Variants in MARCHF6 observed in about 807,000 individuals in gnomAD.
The protein encoded by MARCHF6 is membrane associated ring-CH-type finger 6.
MARCHF6 carries 31 observed loss-of-function variants against 133.7 expected under a neutral mutation model. That is an observed-to-expected ratio of 0.23 (90% CI 0.17 to 0.31). The LOEUF (loss-of-function observed/expected upper bound fraction) is 0.31. MARCHF6 is among the 10% of genes least tolerant of loss of function. The probability of loss-of-function intolerance (pLI) is 1.00; values close to 1 mark genes in which losing one functional copy is unlikely to be tolerated. For missense variants in MARCHF6, 723 were observed against 1,121.6 expected (o/e 0.64, Z 5.08); for synonymous variants, 395 against 402.5 (o/e 0.98, Z 0.22).
At position 10,402,575 on chromosome 5, in the gene MARCHF6, A is replaced by G. The variant is rs1271055070; in HGVS notation, c.1165A>G (p.Ile389Val). The G allele has an allele frequency of 7.4e-6, 12 of 1,613,858 alleles. No individual in the cohort carries two copies. The highest frequency in any genetic ancestry group is 1.0e-5 in the Non-Finnish European group (12 of 1,179,872). Residue 389 changes from isoleucine (I) to valine (V), a missense_variant, in exon 14 of 26, where the codon ATT becomes GTT. Coordinates refer to ENST00000274140, the MANE Select transcript of MARCHF6 (RefSeq NM_005885.4). ...GGTAGAAATTGGAGTATTCCCTCTC[A>G]TTTGTGGTTGGTGGCTGGATATCTG... ...VVVEIGVFPLICGWWLDICSL... is the reference protein window; with the variant it reads ...VVVEIGVFPLVCGWWLDICSL...
Position 10,402,589 on chromosome 5 carries a change from G to A in MARCHF6, c.1179G>A (p.Trp393Ter). The A allele has an allele frequency of 6.2e-7, 1 of 1,613,560 alleles. No homozygotes were observed. Among genetic ancestry groups the A allele is most frequent in the South Asian group, 1.1e-5 (1 of 91,072 alleles). Residue 393 changes from tryptophan to a stop codon, truncating the protein, a stop_gained, in exon 14 of 26, where the codon TGG becomes TGA. Transcript: ENST00000274140. LOFTEE classifies it high-confidence loss of function. ...TATTCCCTCTCATTTGTGGTTGGTG[G>A]CTGGATATCTGTTCCTTGGTAAGTT... is the stretch of plus-strand genomic sequence containing the variant. ...IGVFPLICGW[W>*]LDICSLEMFD... is the part of the protein sequence containing the mutation.
rs541091003 is a variant in MARCHF6 at position 10,410,061 on chromosome 5, A to G, written c.1554-78A>G. 65 of 1,414,632 alleles carry G rather than the reference A, an allele frequency of 4.6e-5. No homozygotes were observed. In the East Asian group the frequency reaches 1.3e-3, roughly 28 times the overall value. The allele number at this position is 1,414,632 out of a possible 1,614,324, so 87.6% of individuals were successfully genotyped here. A position where few individuals can be genotyped will look rare whatever the true frequency, so the allele number is the denominator to read the frequency against. On this transcript the variant is annotated intron_variant, in intron 17 of 25. Transcript: ENST00000274140. The stretch of plus-strand genomic sequence containing the variant: ...AAGACAGTAAGTTTATTAGATTCTT[A>G]AGAAGTTGCGTTGTAATCCCATTAA...
At chr5:10,379,511 A>T (rs967669417) in intron 3 of MARCHF6, among the ~76,000 whole-genome samples, 8 of 151,370 alleles carry the variant, frequency 5.3e-5, no homozygotes, top group Non-Finnish European at 1.5e-5. Flanking sequence ...CCCAGGCTGG[A>T]GGGCAATGGC....
intron 4 of MARCHF6, among the ~76,000 whole-genome samples, chr5:10,383,707 A>G (rs1428935244): frequency 5.9e-5 from 9 of 152,194 alleles, no homozygotes; most frequent in Admixed American, 3.3e-4. Context: ...ACTTTACTAA[A>G]TGAGCAAGGA....
chr5:10,419,160 A>G (rs2126308701), intron 22 of MARCHF6, among the ~76,000 whole-genome samples: 1 of 152,324 alleles, frequency 6.6e-6, no homozygotes, highest in Non-Finnish European at 1.5e-5. Flanking sequence ...ATGACTTTTT[A>G]ACTTTTTGAT....
intron 1 of MARCHF6, among the ~76,000 whole-genome samples, chr5:10,368,035 C>T (rs993016559): frequency 1.3e-5 from 2 of 152,108 alleles, no homozygotes; most frequent in Admixed American, 1.3e-4. Flanking sequence ...TGGGGGGGAG[C>T]CTCAATCTGC....
chr5:10,354,203 C>T (rs566239674), intron 1 of MARCHF6, among the ~76,000 whole-genome samples: 107 of 152,224 alleles, frequency 7.0e-4, no homozygotes, highest in African/African-American at 2.5e-3. Flanking sequence ...CCTCCCTTGT[C>T]CCCGCCGTCG....
At position 10,353,934 on chromosome 5, in the gene MARCHF6, C is replaced by A; in HGVS notation, c.19+17C>A. On this transcript the variant is annotated intron_variant, in intron 1 of 25. Coordinates refer to ENST00000274140, the MANE Select transcript of MARCHF6 (RefSeq NM_005885.4). ...CGGAGGAAGGTAAGTCGGCGACGCGCGGCGCCCGAGCCCTTGCGTCGGCGC... is the reference window on the plus strand; with the variant it reads ...CGGAGGAAGGTAAGTCGGCGACGCGAGGCGCCCGAGCCCTTGCGTCGGCGC... 1.3e-6 allele frequency: 2 copies of A among 1,548,256 alleles called. No homozygotes were observed. The highest frequency in any genetic ancestry group is 1.7e-6 in the Non-Finnish European group (2 of 1,152,084).
intron 1 of MARCHF6, chr5:10,354,138 C>G (rs1012753994): frequency 2.9e-6 from 1 of 339,834 alleles, no homozygotes; most frequent in African/African-American, 2.2e-5. Flanking sequence ...GGGACCCTGC[C>G]GGGCAGGGGC....
At chr5:10,379,168 C>T (rs1478558764) in intron 3 of MARCHF6, among the ~76,000 whole-genome samples, 1 of 152,164 alleles carries the variant, frequency 6.6e-6, no homozygotes, top group East Asian at 1.9e-4. Flanking sequence ...AGTGTCAACT[C>T]ATAGCCTGTC....
At chr5:10,356,357 A>G (rs538138959) in intron 1 of MARCHF6, among the ~76,000 whole-genome samples, 1 of 122,232 alleles carries the variant, frequency 8.2e-6, no homozygotes, top group South Asian at 2.6e-4. Flanking sequence ...ATTTTATTTT[A>G]TTTTATTTTA....
chr5:10,357,966 C>CTTT (rs34017407), intron 1 of MARCHF6, among the ~76,000 whole-genome samples: 3 of 108,514 alleles, frequency 2.8e-5, no homozygotes, highest in African/African-American at 6.6e-5. Flanking sequence ...GCATGGGTTG[C>CTTT]TTTTTTTTTT....
chr5:10,365,956 T>G (rs956177151), intron 1 of MARCHF6, among the ~76,000 whole-genome samples: 7 of 151,956 alleles, frequency 4.6e-5, no homozygotes, highest in African/African-American at 1.7e-4. Flanking sequence ...ACTTTTTTTT[T>G]GTTTTTTGGT....
intron 5 of MARCHF6, among the ~76,000 whole-genome samples, chr5:10,389,407 A>G (rs1737676251): frequency 6.6e-6 from 1 of 151,692 alleles, no homozygotes; most frequent in Non-Finnish European, 1.5e-5. Context: ...TAAATGAAAA[A>G]TTTCTTTTTT....
At position 10,377,862 on chromosome 5, in the gene MARCHF6, T is replaced by C. The variant is rs943445013; in HGVS notation, c.84T>C (p.Cys28=). 6 of 1,612,880 alleles carry C rather than the reference T, an allele frequency of 3.7e-6. No individual in the cohort carries two copies. Among genetic ancestry groups the C allele is most frequent in the Non-Finnish European group, 5.1e-6 (6 of 1,178,926 alleles). The change falls in exon 2 of 26, where the codon TGT becomes TGC. Residue 28 remains cysteine (C), a synonymous_variant. Transcript: ENST00000274140. ...PEKPLYHPCV[C]TGSIKFIHQE... is the part of the protein sequence containing the mutation. ...AACCGCTTTATCATCCTTGTGTATG[T>C]ACTGGCAGTATTAAGTTTATCCATC...
At chr5:10,418,736 G>A (rs1739669873) in intron 22 of MARCHF6, among the ~76,000 whole-genome samples, 1 of 152,142 alleles carries the variant, frequency 6.6e-6, no homozygotes, top group African/African-American at 2.4e-5. Flanking sequence ...TTTTAATGGT[G>A]TACCCACACC....
At chr5:10,431,766 T>G (rs191295437) in intron 25 of MARCHF6, among the ~76,000 whole-genome samples, 1 of 152,292 alleles carries the variant, frequency 6.6e-6, no homozygotes, top group African/African-American at 2.4e-5. Flanking sequence ...TTTGGACTTG[T>G]ACAATTTAAC....
intron 1 of MARCHF6, among the ~76,000 whole-genome samples, chr5:10,364,127 T>C (rs999223607): frequency 3.9e-5 from 6 of 152,376 alleles, no homozygotes; most frequent in African/African-American, 1.4e-4. Context: ...TTAAAACTAC[T>C]GTGAGATATC....
chr5:10,400,378 G>A (rs1017177099), intron 10 of MARCHF6, among the ~76,000 whole-genome samples: 1 of 152,136 alleles, frequency 6.6e-6, no homozygotes, highest in Admixed American at 6.5e-5. Context: ...ACATGGGTGT[G>A]CTAACTGCTT....
Sources: allele counts gnomAD v4.1 joint callset (sites outside exome capture counted in the v4.1 genomes callset), GRCh38; gene constraint gnomAD v4.1.1; transcripts MANE v1.5; gene names NCBI Gene and HGNC (gene_info 2026-07-23, HGNC 2026-07-21).